The following NPTX2 variants were observed in gnomAD, a reference collection of about 807,000 sequenced individuals.
NPTX2 encodes the protein neuronal pentraxin 2, also known as neuronal pentraxin-2.
A neutral mutation model predicts 38.1 loss-of-function variants in NPTX2; 23 were observed. That is an observed-to-expected ratio of 0.60 (90% CI 0.43 to 0.85). The LOEUF (loss-of-function observed/expected upper bound fraction) is 0.85, where lower values mean the gene tolerates loss of function less well. Ranked by LOEUF, NPTX2 falls within the 40% of genes least tolerant of loss-of-function variation. NPTX2 has a pLI of 0.00. For synonymous variants in NPTX2, 291 were observed against 287.3 expected (o/e 1.01, Z -0.13); for missense variants, 553 against 615.3 (o/e 0.90, Z 1.07).
intron 2 of NPTX2, among the ~76,000 whole-genome samples, chr7:98,621,972 G>A (rs1028815959): frequency 2.6e-5 from 4 of 152,184 alleles, no homozygotes; most frequent in Non-Finnish European, 4.4e-5. Context: ...CCCAGCAAGC[G>A]CCTGACCCCT....
At chr7:98,622,374 A>G (rs1791284797) in intron 2 of NPTX2, among the ~76,000 whole-genome samples, 1 of 152,194 alleles carries the variant, frequency 6.6e-6, no homozygotes, top group Admixed American at 6.5e-5. Flanking sequence ...CCAAGCTAAC[A>G]ATATTACCCA....
intron 4 of NPTX2, among the ~76,000 whole-genome samples, chr7:98,627,629 G>A (rs751694438): frequency 7.9e-5 from 12 of 152,222 alleles, no homozygotes; most frequent in Non-Finnish European, 1.0e-4. Context: ...CCAGGTGGGT[G>A]TGTGGTTCAA....
chr7:98,628,665 C>A lies in NPTX2; in HGVS notation c.*36C>A. On this transcript the variant is annotated 3_prime_UTR_variant, in exon 5 of 5. Transcript: ENST00000265634. ...CTCTGTCCAGGAGGCCGGGATCAGGCTGTTGCCATGGAAGTTCAGGGCCAT... is the reference window on the plus strand; with the variant it reads ...CTCTGTCCAGGAGGCCGGGATCAGGATGTTGCCATGGAAGTTCAGGGCCAT... 1 of 1,058,372 alleles carries A rather than the reference C, an allele frequency of 9.4e-7. No homozygotes were observed. The highest frequency in any genetic ancestry group is 1.4e-6 in the Non-Finnish European group (1 of 726,452). The allele number at this position is 1,058,372 out of a possible 1,614,324, so 65.6% of individuals were successfully genotyped here.
At position 98,617,629 on chromosome 7, in the gene NPTX2, G is replaced by A. The variant is rs1340841483; in HGVS notation, c.168G>A (p.Glu56=). The change falls in exon 1 of 5, where the codon GAG becomes GAA. Residue 56 remains glutamate, a synonymous_variant. Coordinates refer to ENST00000265634, the MANE Select transcript of NPTX2 (RefSeq NM_002523.3). ...TGCAGGGCGGCGCGCAGAGTCCCGA[G>A]GAGGAGCTGAGGGCCGCGGTGCTGC... is the stretch of plus-strand genomic sequence containing the variant. ...MPMQGGAQSP[E]EELRAAVLQL... 17 of 1,491,304 alleles carry A rather than the reference G, an allele frequency of 1.1e-5. No individual in the cohort carries two copies. The highest frequency in any genetic ancestry group is 1.5e-5 in the Non-Finnish European group (17 of 1,128,878). The allele number at this position is 1,491,304 out of a possible 1,614,324, so 92.4% of individuals were successfully genotyped here. A position where few individuals can be genotyped will look rare whatever the true frequency, so the allele number is the denominator to read the frequency against.
At chr7:98,627,116 C>T (rs759903185) in intron 3 of NPTX2, 49 bp from the exon 4 acceptor site, 30 of 1,416,820 alleles carry the variant, frequency 2.1e-5, no homozygotes, top group South Asian at 2.1e-4. Flanking sequence ...CTGGGGGACC[C>T]TGAGGGCGTG....
Position 98,617,725 on chromosome 7 carries a change from G to C in NPTX2, c.264G>C (p.Thr88=). Residue 88 remains threonine, a synonymous_variant, in exon 1 of 5, where the codon ACG becomes ACC. Transcript: ENST00000265634. Reference sequence around the variant, plus strand: ...AGCGCGAGGCCATCCGCGAGCTCACGGGCAAGCTAGCGCGCTGCGAGGGGC... The same window carrying C: ...AGCGCGAGGCCATCCGCGAGCTCACCGGCAAGCTAGCGCGCTGCGAGGGGC... ...GAQREAIREL[T]GKLARCEGLA... The C allele has an allele frequency of 7.0e-7, 1 of 1,427,992 alleles. No individual in the cohort carries two copies. The highest frequency in any genetic ancestry group is 9.1e-7 in the Non-Finnish European group (1 of 1,102,882). The allele number at this position is 1,427,992 out of a possible 1,614,324, so 88.5% of individuals were successfully genotyped here.
intron 1 of NPTX2, among the ~76,000 whole-genome samples, chr7:98,618,304 A>T (rs925670633): frequency 8.6e-5 from 13 of 151,610 alleles, no homozygotes; most frequent in Non-Finnish European, 1.8e-4. Flanking sequence ...GGTTGCTGCG[A>T]GGCTGCCGCG....
chr7:98,621,202 C>A (rs1791264541), intron 2 of NPTX2, among the ~76,000 whole-genome samples: 1 of 152,144 alleles, frequency 6.6e-6, no homozygotes, highest in African/African-American at 2.4e-5. Context: ...GAAGCTGCCA[C>A]TTTGTGACTG....
chr7:98,623,130 G>A (rs1046618311), intron 2 of NPTX2, among the ~76,000 whole-genome samples: 3 of 152,158 alleles, frequency 2.0e-5, no homozygotes, highest in Admixed American at 6.6e-5. Flanking sequence ...CAGAGAGCCC[G>A]CCTGTCTCTG....
intron 3 of NPTX2, among the ~76,000 whole-genome samples, chr7:98,626,689 T>G (rs1467609706): frequency 6.6e-6 from 1 of 152,160 alleles, no homozygotes; most frequent in African/African-American, 2.4e-5. Flanking sequence ...CCCCAGTTCC[T>G]CACGCTGTCC....
At position 98,617,860 on chromosome 7, in the gene NPTX2, C is replaced by T. The variant is rs1020344711; in HGVS notation, c.399C>T (p.Thr133=). The T allele has an allele frequency of 6.4e-7, 1 of 1,556,920 alleles. No individual in the cohort carries two copies. Among genetic ancestry groups the T allele is most frequent in the Non-Finnish European group, 8.6e-7 (1 of 1,159,794 alleles). ...AGCAGCTCAGCCGCTCGCTGCAGAC[C>T]CTCAAGGACCGCCTGGAGAGCCTCG... ...VVEQLSRSLQ[T]LKDRLESLEH... is the part of the protein sequence containing the mutation. The change falls in exon 1 of 5, where the codon ACC becomes ACT. Residue 133 remains threonine, a synonymous_variant. Coordinates refer to ENST00000265634, the MANE Select transcript of NPTX2 (RefSeq NM_002523.3).
intron 3 of NPTX2, among the ~76,000 whole-genome samples, chr7:98,626,857 C>G (rs1181039251): frequency 6.6e-6 from 1 of 152,338 alleles, no homozygotes; most frequent in East Asian, 1.9e-4. Context: ...AGACTGGCCC[C>G]ATGGAACGCT....
chr7:98,624,259 T>C (rs1012778958), intron 2 of NPTX2, among the ~76,000 whole-genome samples: 19 of 152,178 alleles, frequency 1.2e-4, no homozygotes, highest in Non-Finnish European at 1.9e-4. Flanking sequence ...ACTTGGCTAA[T>C]TTTTTAAATT....
intron 2 of NPTX2, among the ~76,000 whole-genome samples, chr7:98,622,420 C>G (rs746737953): frequency 6.6e-6 from 1 of 152,194 alleles, no homozygotes; most frequent in Non-Finnish European, 1.5e-5. Flanking sequence ...GCTGCCCTCC[C>G]GCAAGTATAG....
At chr7:98,621,855 T>G (rs536988926) in intron 2 of NPTX2, among the ~76,000 whole-genome samples, 1 of 152,220 alleles carries the variant, frequency 6.6e-6, no homozygotes, top group South Asian at 2.1e-4. Context: ...GCCAGCAGAT[T>G]GCAGAGCTGG....
chr7:98,628,253 T>C (rs1791385737), intron 4 of NPTX2, 149 bp from the exon 5 acceptor site: 1 of 567,770 alleles, frequency 1.8e-6, no homozygotes, highest in Non-Finnish European at 3.1e-6. Context: ...AGTTCTGACA[T>C]GCCTGGGAGC....
At position 98,617,544 on chromosome 7, in the gene NPTX2, T is replaced by G; in HGVS notation, c.83T>G (p.Val28Gly). ...AGCCCGGCGCCCGGTAGCCGCTTCG[T>G]GTGCACGGCACTGCCCCCAGAGGCG... is the stretch of plus-strand genomic sequence containing the variant. ...QDSPAPGSRF[V>G]CTALPPEAVH... Residue 28 changes from valine to glycine, a missense_variant, in exon 1 of 5, where the codon GTG becomes GGG. Transcript: ENST00000265634. 1.3e-5 allele frequency: 18 copies of G among 1,435,812 alleles called. No individual in the cohort carries two copies. The highest frequency in any genetic ancestry group is 1.6e-5 in the Non-Finnish European group (18 of 1,098,100). 88.9% of individuals were successfully genotyped at this position (1,435,812 alleles called of 1,614,324 possible). A position where few individuals can be genotyped will look rare whatever the true frequency, so the allele number is the denominator to read the frequency against.
In NPTX2 at chr7:98,619,872, CCTGTTTCT is replaced by C. The variant is rs1278681105; in HGVS notation, c.643+18_643+25del. 6.2e-7 allele frequency: 1 copy of C among 1,610,752 alleles called. No homozygotes were observed. The highest frequency in any genetic ancestry group is 8.5e-7 in the Non-Finnish European group (1 of 1,178,084). ...GAGCTGGAGCGAGGTGTGTGCCTGG[CCTGTTTCT>C]CTGTCTGGCAGTGGCCTGATTTTCA... On this transcript the variant is annotated intron_variant, in intron 2 of 4. Coordinates refer to ENST00000265634, the MANE Select transcript of NPTX2 (RefSeq NM_002523.3).
At chr7:98,624,096 A>G (rs1415344356) in intron 2 of NPTX2, among the ~76,000 whole-genome samples, 1 of 152,140 alleles carries the variant, frequency 6.6e-6, no homozygotes, top group Non-Finnish European at 1.5e-5. Context: ...AGGTGGAACC[A>G]CAGGTGTGTG....
Sources: allele counts gnomAD v4.1 joint callset (sites outside exome capture counted in the v4.1 genomes callset), GRCh38; gene constraint gnomAD v4.1.1; transcripts MANE v1.5; gene names NCBI Gene and HGNC (gene_info 2026-07-23, HGNC 2026-07-21).